Variants in AIG1 observed in about 807,000 individuals in gnomAD.
AIG1 encodes androgen induced 1, also known as androgen-induced gene 1 protein.
A neutral mutation model predicts 31.4 loss-of-function variants in AIG1; 23 were observed. That is an observed-to-expected ratio of 0.73 (90% CI 0.53 to 1.04). The LOEUF (loss-of-function observed/expected upper bound fraction) is 1.04. Among genes scored for constraint, AIG1 ranks in the 50% least tolerant of loss-of-function variants. The pLI, the probability that AIG1 is intolerant of heterozygous loss-of-function variation, is 0.00. For synonymous variants in AIG1, 100 were observed against 110.5 expected, an observed-to-expected ratio of 0.90 and a Z score of 0.60; for missense variants, 274 against 295.0, an observed-to-expected ratio of 0.93 and a Z score of 0.52.
At chr6:143,154,094 G>A (rs984198510) in intron 2 of AIG1, among the ~76,000 whole-genome samples, 2 of 151,704 alleles carry the variant, frequency 1.3e-5, no homozygotes, top group East Asian at 1.9e-4. Flanking sequence ...TACTCCCCTC[G>A]CAAAAAAGTT....
chr6:143,082,570 A>C (rs1438103935), intron 1 of AIG1, among the ~76,000 whole-genome samples: 3 of 152,200 alleles, frequency 2.0e-5, no homozygotes, highest in Non-Finnish European at 2.9e-5. Context: ...TGTTCACATC[A>C]TGAGATGTCC....
chr6:143,196,273 G>A (rs1048635195), intron 3 of AIG1, among the ~76,000 whole-genome samples: 1 of 151,994 alleles, frequency 6.6e-6, no homozygotes, highest in Admixed American at 6.6e-5. Context: ...CATTTCTGGA[G>A]GGGAGGAGAG....
intron 4 of AIG1, among the ~76,000 whole-genome samples, chr6:143,304,552 A>G (rs1034965723): frequency 5.3e-5 from 8 of 152,216 alleles, no homozygotes; most frequent in Non-Finnish European, 1.2e-4. Flanking sequence ...ATATTGAACC[A>G]GCCTTGCATC....
rs1479836419 is a variant in AIG1 at position 143,297,743 on chromosome 6, T to C, written c.515+13518T>C. On this transcript the variant is annotated intron_variant, in intron 4 of 5. Coordinates refer to ENST00000357847, the MANE Select transcript of AIG1 (RefSeq NM_016108.4). The surrounding 1 kb of genome is among the most constrained non-coding windows in gnomAD (Gnocchi z 5.1). ...TACACTGCCTCTCCTCCAATTTTCA[T>C]GTCTCAGCCAGATAGTTTTTTTAAA... 6.6e-6 allele frequency among the ~76,000 whole-genome samples: 1 copy of C among 152,250 alleles called. No individual in the cohort carries two copies. The highest frequency in any genetic ancestry group is 1.9e-4 in the East Asian group (1 of 5,200).
At position 143,217,427 on chromosome 6, in the gene AIG1, GTTGAA is replaced by G. The variant is rs373570316; in HGVS notation, c.399+52255_399+52259del. 3.6e-3 allele frequency among the ~76,000 whole-genome samples: 543 copies of G among 152,294 alleles called. 5 individuals are homozygous for G. Among genetic ancestry groups the G allele is most frequent in the South Asian group, 0.029 (139 of 4,824 alleles). ...ATGGTAAGATATTCAATTATCATTT[GTTGAA>G]TTGAATTGAAATTTCTCACCTATTC... is the stretch of plus-strand genomic sequence containing the variant. On this transcript the variant is annotated intron_variant, in intron 3 of 5. Transcript: ENST00000357847.
chr6:143,073,193 GT>G (rs750664030), intron 1 of AIG1, among the ~76,000 whole-genome samples: 2 of 152,084 alleles, frequency 1.3e-5, no homozygotes, highest in Non-Finnish European at 2.9e-5. Context: ...CATTCATGTT[GT>G]GACAAATGGA....
At chr6:143,187,252 C>A in intron 3 of AIG1, 1 of 694,146 alleles carries the variant, frequency 1.4e-6, no homozygotes, top group South Asian at 1.8e-5. Flanking sequence ...CCCCCTTCAT[C>A]ATACCTATTT....
At chr6:143,224,904 T>C (rs1792820496) in intron 3 of AIG1, among the ~76,000 whole-genome samples, 5 of 152,166 alleles carry the variant, frequency 3.3e-5, no homozygotes. Context: ...CAGATTAATC[T>C]TCTGAAACCA....
chr6:143,343,108 A>C (rs1777887613), downstream of AIG1: 3 of 770,252 alleles, frequency 3.9e-6, no homozygotes, highest in East Asian at 7.3e-5. Context: ...AGCTGTCCGC[A>C]CTAAGATCCC....
intron 2 of AIG1, among the ~76,000 whole-genome samples, chr6:143,156,066 A>C (rs1467370213): frequency 6.6e-6 from 1 of 152,198 alleles, no homozygotes; most frequent in Non-Finnish European, 1.5e-5. Flanking sequence ...AAGGAGCCTC[A>C]TGTCAGCAGG....
intron 1 of AIG1, among the ~76,000 whole-genome samples, chr6:143,131,838 G>A (rs957130758): frequency 4.6e-5 from 7 of 152,198 alleles, no homozygotes; most frequent in East Asian, 1.9e-4. Flanking sequence ...CCTACAAGCT[G>A]AGGAGTAATA....
chr6:143,190,666 G>A (rs1035382217), intron 3 of AIG1: 9 of 947,624 alleles, frequency 9.5e-6, no homozygotes, highest in Admixed American at 1.2e-4. Context: ...CCCAGGTAAG[G>A]ACTTTCTCAA....
rs1438938015 is a variant in AIG1, at chr6:143,258,591, G to T, written c.400-25519G>T. Among the ~76,000 whole-genome samples the T allele has an allele frequency of 6.6e-6, 1 of 152,204 alleles. No homozygotes were observed. Among genetic ancestry groups the T allele is most frequent in the Non-Finnish European group, 1.5e-5 (1 of 68,032 alleles). ...TTTATGGGCTTTATTGGCAGAGAGA[G>T]AATCAAGGAGGGGCATGAAGTAGAA... On this transcript the variant is annotated intron_variant, in intron 3 of 5. Transcript: ENST00000357847. The surrounding 1 kb of genome is among the most constrained non-coding windows in gnomAD (Gnocchi z 4.7).
chr6:143,083,814 C>T (rs1036818173), intron 1 of AIG1, among the ~76,000 whole-genome samples: 15 of 152,192 alleles, frequency 9.9e-5, no homozygotes, highest in Non-Finnish European at 1.5e-5. Flanking sequence ...TATTTTCCTT[C>T]TGTTGCCCAG....
intron 1 of AIG1, among the ~76,000 whole-genome samples, chr6:143,104,795 T>C (rs1780643447): frequency 6.6e-6 from 1 of 151,998 alleles, no homozygotes; most frequent in East Asian, 1.9e-4. Context: ...TCCTAGCTAC[T>C]TGGGAGGCTG....
intron 3 of AIG1, among the ~76,000 whole-genome samples, chr6:143,238,179 G>A (rs1370098306): frequency 6.6e-6 from 1 of 152,122 alleles, no homozygotes; most frequent in African/African-American, 2.4e-5. Flanking sequence ...GACCTCAGGT[G>A]GTCTGCCCAC....
rs965791264 is a variant in AIG1, at chr6:143,256,715, T to A, written c.400-27395T>A. ...TTTATATATATGATTCCCCACTTCA[T>A]TGGCAGTTTGTAGCAAATTCTTATT... On this transcript the variant is annotated intron_variant, in intron 3 of 5. Coordinates refer to ENST00000357847, the MANE Select transcript of AIG1 (RefSeq NM_016108.4). This position sits in a 1 kb window ranked among gnomAD's most constrained non-coding sequence, Gnocchi z 4.6. Among the ~76,000 whole-genome samples, 1 of 152,248 alleles carries A rather than the reference T, an allele frequency of 6.6e-6. No individual in the cohort carries two copies. The highest frequency in any genetic ancestry group is 2.1e-4 in the South Asian group (1 of 4,830).
chr6:143,341,986 C>G (rs1347006340), downstream of AIG1, among the ~76,000 whole-genome samples: 1 of 152,190 alleles, frequency 6.6e-6, no homozygotes, highest in Non-Finnish European at 1.5e-5. Context: ...AGTGCAATGG[C>G]ACCATCTCAG....
intron 3 of AIG1, among the ~76,000 whole-genome samples, chr6:143,208,619 A>T (rs752924255): frequency 1.6e-4 from 24 of 152,308 alleles, no homozygotes; most frequent in Non-Finnish European, 7.4e-5. Flanking sequence ...ATCCAGCAAA[A>T]TAGTGGCATC....
Sources: allele counts gnomAD v4.1 joint callset (sites outside exome capture counted in the v4.1 genomes callset), GRCh38; gene constraint gnomAD v4.1.1; non-coding constraint Gnocchi (gnomAD v3.1); transcripts MANE v1.5; gene names NCBI Gene and HGNC (gene_info 2026-07-23, HGNC 2026-07-21).